Variants in CYSLTR2 observed in about 807,000 individuals in gnomAD.
The protein encoded by CYSLTR2 is cysteinyl leukotriene receptor 2.
For missense variants in CYSLTR2, 398 were observed against 411.9 expected, an observed-to-expected ratio of 0.97 and a Z score of 0.29; for synonymous variants, 179 against 160.8, an observed-to-expected ratio of 1.11 and a Z score of -0.86.
chr13:48,692,382 A>G (rs1954061313), intron 2 of CYSLTR2, among the ~76,000 whole-genome samples: 1 of 151,906 alleles, frequency 6.6e-6, no homozygotes, highest in African/African-American at 2.4e-5. Context: ...CTCCAATTCT[A>G]ATTTTACTCT....
intron 1 of CYSLTR2, among the ~76,000 whole-genome samples, chr13:48,674,296 T>C (rs1391973553): frequency 6.6e-6 from 1 of 152,094 alleles, no homozygotes; most frequent in African/African-American, 2.4e-5. Flanking sequence ...TATAGTCACA[T>C]ATTTTGAGGC....
intron 1 of CYSLTR2, among the ~76,000 whole-genome samples, chr13:48,689,280 T>C (rs1953975107): frequency 6.6e-6 from 1 of 152,248 alleles, no homozygotes; most frequent in Non-Finnish European, 1.5e-5. Context: ...ATTTGTCATT[T>C]TGGCTTTCGT....
intron 1 of CYSLTR2, among the ~76,000 whole-genome samples, chr13:48,686,451 G>A (rs1246336918): frequency 6.6e-6 from 1 of 152,148 alleles, no homozygotes; most frequent in Non-Finnish European, 1.5e-5. Context: ...TAGGTAATTT[G>A]AGGATAAGAT....
rs1197887413 is a variant in CYSLTR2 at position 48,691,490 on chromosome 13, AG to A, written c.-176+190del. 6.6e-5 allele frequency among the ~76,000 whole-genome samples: 10 copies of A among 152,116 alleles called. No individual in the cohort carries two copies. The East Asian group carries it at 1.9e-3, about 29-fold the overall frequency. ...TCAGGGGAATTATTAGGTTTAGTGT[AG>A]ACCCCAGAACTAGTTTGACAAAGTC... On this transcript the variant is annotated intron_variant, in intron 2 of 4. Coordinates refer to ENST00000682523, the MANE Select transcript of CYSLTR2 (RefSeq NM_001308476.3).
At chr13:48,675,490 C>T (rs1953569373) in intron 1 of CYSLTR2, among the ~76,000 whole-genome samples, 1 of 152,158 alleles carries the variant, frequency 6.6e-6, no homozygotes, top group East Asian at 1.9e-4. Context: ...CACCCCTCCC[C>T]CATCAAGCTC....
chr13:48,697,688 G>A (rs546107941), intron 4 of CYSLTR2, among the ~76,000 whole-genome samples: 1 of 152,292 alleles, frequency 6.6e-6, no homozygotes, highest in Non-Finnish European at 1.5e-5. Context: ...AGAGAAGAAG[G>A]CTTTAGACCA....
Position 48,708,600 on chromosome 13 carries a change from G to A in CYSLTR2, c.*742G>A, listed in dbSNP as rs199734356. 1 of 167,068 alleles carries A rather than the reference G, an allele frequency of 6.0e-6. No homozygotes were observed. The highest frequency in any genetic ancestry group is 1.5e-5 in the Non-Finnish European group (1 of 68,116). The allele number at this position is 167,068 out of a possible 1,614,324, so 10.3% of individuals were successfully genotyped here. A position where few individuals can be genotyped will look rare whatever the true frequency, so the allele number is the denominator to read the frequency against. On this transcript the variant is annotated 3_prime_UTR_variant, in exon 5 of 5. Coordinates refer to ENST00000682523, the MANE Select transcript of CYSLTR2 (RefSeq NM_001308476.3). ...GAAAGAATTGTGTATAGAATGGAAG[G>A]GGGATCATCAAGGACATGTATCTCA...
chr13:48,689,902 C>G (rs1187725773), intron 1 of CYSLTR2, among the ~76,000 whole-genome samples: 1 of 152,084 alleles, frequency 6.6e-6, no homozygotes, highest in Non-Finnish European at 1.5e-5. Flanking sequence ...GAATGTTTTT[C>G]CATTTGTTTG....
chr13:48,703,721 A>G (rs1352221829), intron 4 of CYSLTR2, among the ~76,000 whole-genome samples: 3 of 152,164 alleles, frequency 2.0e-5, no homozygotes, highest in Non-Finnish European at 4.4e-5. Flanking sequence ...TCGTTTTGGT[A>G]TCAGGGTAAT....
chr13:48,695,393 C>CTTTTTCTT (rs1456313225), intron 3 of CYSLTR2, among the ~76,000 whole-genome samples: 1 of 128,684 alleles, frequency 7.8e-6, no homozygotes, highest in African/African-American at 2.9e-5. Flanking sequence ...TTCTTTCTTT[C>CTTTTTCTT]TCTCTCTCTC....
chr13:48,659,237 G>A (rs1953069606), intron 1 of CYSLTR2, among the ~76,000 whole-genome samples: 1 of 152,176 alleles, frequency 6.6e-6, no homozygotes, highest in South Asian at 2.1e-4. Context: ...GCAGCAGGTG[G>A]GGTGGCAACA....
chr13:48,711,085 G>A lies in CYSLTR2; in HGVS notation c.*3227G>A, dbSNP rs1466247420. ...CAGGTAGAAGCAGAAGAAAGAATGG[G>A]CAGGGGTTACCTCTATGGAGAAGCT... On this transcript the variant is annotated 3_prime_UTR_variant, in exon 5 of 5. Coordinates refer to ENST00000682523, the MANE Select transcript of CYSLTR2 (RefSeq NM_001308476.3). 1 of 152,130 alleles carries A rather than the reference G, an allele frequency of 6.6e-6. No individual in the cohort carries two copies. The highest frequency in any genetic ancestry group is 2.4e-5 in the African/African-American group (1 of 41,432). The allele number at this position is 152,130 out of a possible 1,614,324, so 9.4% of individuals were successfully genotyped here. A position where few individuals can be genotyped will look rare whatever the true frequency, so the allele number is the denominator to read the frequency against.
Position 48,670,596 on chromosome 13 carries a change from G to A in CYSLTR2, c.-266+16579G>A, listed in dbSNP as rs572174372. On this transcript the variant is annotated intron_variant, in intron 1 of 4. Transcript: ENST00000682523. The stretch of plus-strand genomic sequence containing the variant: ...AAAGATCAGATGGGAGCAGATGTGT[G>A]GTGTTATTTCTGAGGCCTATGTTCT... 1.2e-3 allele frequency among the ~76,000 whole-genome samples: 186 copies of A among 152,218 alleles called. 2 individuals carry two copies. The highest frequency in any genetic ancestry group is 2.3e-3 in the Non-Finnish European group (158 of 68,008).
chr13:48,681,348 G>A (rs771273157), intron 1 of CYSLTR2, among the ~76,000 whole-genome samples: 13 of 152,150 alleles, frequency 8.5e-5, no homozygotes, highest in South Asian at 2.1e-4. Context: ...TTGTCTTGGC[G>A]TTCTTGGTCT....
intron 1 of CYSLTR2, among the ~76,000 whole-genome samples, chr13:48,661,550 C>T (rs747685972): frequency 2.0e-5 from 3 of 151,944 alleles, no homozygotes; most frequent in Non-Finnish European, 4.4e-5. Context: ...TCACTGAGCG[C>T]TCACCCTGTA....
intron 1 of CYSLTR2, among the ~76,000 whole-genome samples, chr13:48,688,007 A>G (rs995802412): frequency 2.0e-5 from 3 of 152,244 alleles, no homozygotes; most frequent in Non-Finnish European, 2.9e-5. Flanking sequence ...AAGTCCTGCT[A>G]AGCAGGCTGG....
At chr13:48,706,157 C>G (rs961041712) in intron 4 of CYSLTR2, among the ~76,000 whole-genome samples, 1 of 151,706 alleles carries the variant, frequency 6.6e-6, no homozygotes, top group African/African-American at 2.4e-5. Context: ...CCACTGGGCC[C>G]GCTAATTTTT....
chr13:48,696,862 G>A (rs908971856), intron 4 of CYSLTR2, among the ~76,000 whole-genome samples: 1 of 151,352 alleles, frequency 6.6e-6, no homozygotes, highest in Non-Finnish European at 1.5e-5. Flanking sequence ...GGCTCGGAGG[G>A]TCCCACGCCC....
In CYSLTR2 at chr13:48,707,167, C is replaced by T. The variant is rs200286922; in HGVS notation, c.350C>T (p.Ser117Phe). Residue 117 changes from serine (S) to phenylalanine (F), a missense_variant, in exon 5 of 5, where the codon TCC (serine) becomes TTC (phenylalanine). Coordinates refer to ENST00000682523, the MANE Select transcript of CYSLTR2 (RefSeq NM_001308476.3). The stretch of plus-strand genomic sequence containing the variant: ...CTGGCCTGCAGGATTATGTCTTATT[C>T]CTTGTATGTCAACATGTACAGCAGT... ...GDLACRIMSYSLYVNMYSSIY... is the reference protein window; with the variant it reads ...GDLACRIMSYFLYVNMYSSIY... 5 of 1,614,144 alleles carry T rather than the reference C, an allele frequency of 3.1e-6. No homozygotes were observed. Among genetic ancestry groups the T allele is most frequent in the Non-Finnish European group, 4.2e-6 (5 of 1,180,024 alleles).
Sources: allele counts gnomAD v4.1 joint callset (sites outside exome capture counted in the v4.1 genomes callset), GRCh38; gene constraint gnomAD v4.1.1; transcripts MANE v1.5; gene names NCBI Gene and HGNC (gene_info 2026-07-23, HGNC 2026-07-21).